The following TCF7L2 variants were observed in gnomAD, a reference collection of about 807,000 sequenced individuals.
TCF7L2 encodes transcription factor 7 like 2.
A neutral mutation model predicts 77.9 loss-of-function variants in TCF7L2; 23 were observed. The ratio of observed to expected loss-of-function variants is 0.30; its 90% CI spans 0.21 to 0.42. The LOEUF (loss-of-function observed/expected upper bound fraction) is 0.42, where lower values mean the gene tolerates loss of function less well. Among genes scored for constraint, TCF7L2 ranks in the 10% least tolerant of loss-of-function variants. The probability of loss-of-function intolerance (pLI) is 1.00; values close to 1 mark genes in which losing one functional copy is unlikely to be tolerated. For synonymous variants in TCF7L2, 413 were observed against 340.2 expected (o/e 1.21, Z -2.36); for missense variants, 654 against 793.1 (o/e 0.82, Z 2.11).
intron 13 of TCF7L2, among the ~76,000 whole-genome samples, chr10:113,162,116 A>G (rs1407647277): frequency 1.3e-5 from 2 of 152,188 alleles, no homozygotes; most frequent in Admixed American, 1.3e-4. Flanking sequence ...GAATTTGTCA[A>G]AATTTTACTT....
chr10:113,086,277 T>C (rs1357841663), intron 5 of TCF7L2, among the ~76,000 whole-genome samples: 3 of 152,186 alleles, frequency 2.0e-5, no homozygotes, highest in Non-Finnish European at 2.9e-5. Context: ...TCAAACCCAA[T>C]TCAAACTGGC....
rs935480390 is a variant in TCF7L2, at chr10:112,969,796, G to A, written c.450+5172G>A. 2.0e-5 allele frequency among the ~76,000 whole-genome samples: 3 copies of A among 152,222 alleles called. No homozygotes were observed. The South Asian group carries it at 6.2e-4, about 32-fold the overall frequency. ...AGGAGGACTAGCAGGCTGAATTCCA[G>A]AGGTGGACCCACATTGCAGATGTGT... On this transcript the variant is annotated intron_variant, in intron 4 of 13. Coordinates refer to ENST00000627217, the MANE Select transcript of TCF7L2 (RefSeq NM_001146274.2).
chr10:113,082,679 T>C (rs1317441940), intron 5 of TCF7L2, among the ~76,000 whole-genome samples: 5 of 152,092 alleles, frequency 3.3e-5, no homozygotes, highest in Admixed American at 3.3e-4. Context: ...TTTTAATAAA[T>C]TTACCCTCTT....
chr10:112,972,796 A>C (rs748071215), intron 4 of TCF7L2, among the ~76,000 whole-genome samples: 2 of 152,174 alleles, frequency 1.3e-5, no homozygotes, highest in Non-Finnish European at 2.9e-5. Flanking sequence ...TTGATTCTTC[A>C]TAACAACACA....
At chr10:113,146,735 A>G (rs915646925) in intron 8 of TCF7L2, among the ~76,000 whole-genome samples, 2 of 152,124 alleles carry the variant, frequency 1.3e-5, no homozygotes, top group African/African-American at 2.4e-5. Context: ...ACAACTATTA[A>G]TAAGATGTTA....
Position 113,152,366 on chromosome 10 carries a change from T to C in TCF7L2, c.1195T>C (p.Tyr399His). The change falls in exon 11 of 14, where the codon TAC becomes CAC. Residue 399 changes from tyrosine to histidine, a missense_variant. Coordinates refer to ENST00000627217, the MANE Select transcript of TCF7L2 (RefSeq NM_001146274.2). The stretch of plus-strand genomic sequence containing the variant: ...ACTGTCCAGAGAAGAGCAAGCGAAA[T>C]ACTACGAGCTGGCCCGGAAGGAGCG... 6.2e-7 allele frequency: 1 copy of C among 1,614,168 alleles called. No homozygotes were observed. Among genetic ancestry groups the C allele is most frequent in the Non-Finnish European group, 8.5e-7 (1 of 1,180,028 alleles).
At chr10:113,069,450 G>A (rs1265239060) in intron 5 of TCF7L2, among the ~76,000 whole-genome samples, 2 of 151,988 alleles carry the variant, frequency 1.3e-5, no homozygotes, top group Non-Finnish European at 2.9e-5. Context: ...GGCTGGTCTC[G>A]AACTCCTGAC....
In TCF7L2 at chr10:112,950,773, G is replaced by T; in HGVS notation, c.17G>T (p.Gly6Val). ...GAAAAAAAAATGCCGCAGCTGAACG[G>T]CGGTGGAGGGGATGACCTAGGCGCC... Residue 6 changes from glycine (G) to valine (V), a missense_variant, in exon 1 of 14, where the codon GGC (glycine) becomes GTC (valine). Coordinates refer to ENST00000627217, the MANE Select transcript of TCF7L2 (RefSeq NM_001146274.2). 6.3e-7 allele frequency: 1 copy of T among 1,577,076 alleles called. No individual in the cohort carries two copies. Among genetic ancestry groups the T allele is most frequent in the African/African-American group, 1.3e-5 (1 of 74,550 alleles).
At chr10:112,971,649 G>T (rs541554621) in intron 4 of TCF7L2, among the ~76,000 whole-genome samples, 21 of 148,912 alleles carry the variant, frequency 1.4e-4, no homozygotes, top group African/African-American at 5.0e-4. Context: ...ATCTTGCTCT[G>T]TCACCCAGTC....
intron 12 of TCF7L2, among the ~76,000 whole-genome samples, chr10:113,160,413 G>A (rs2072967379): frequency 6.6e-6 from 1 of 151,358 alleles, no homozygotes; most frequent in Non-Finnish European, 1.5e-5. Flanking sequence ...TTGTTGTTTT[G>A]TGTGTGTGTG....
At chr10:113,129,918 A>C (rs1370160510) in intron 5 of TCF7L2, 1 of 1,294,552 alleles carries the variant, frequency 7.7e-7, no homozygotes, top group Non-Finnish European at 1.0e-6. Context: ...GTGGTAAGGG[A>C]GGCGCAGTGG....
chr10:112,956,785 T>C (rs1314180902), intron 3 of TCF7L2, among the ~76,000 whole-genome samples: 2 of 152,150 alleles, frequency 1.3e-5, no homozygotes, highest in Non-Finnish European at 2.9e-5. Flanking sequence ...ATAACACTTA[T>C]GAATGTTAAG....
chr10:113,161,283 G>T, intron 13 of TCF7L2: 1 of 452,074 alleles, frequency 2.2e-6, no homozygotes. Context: ...CCAGCTAAAG[G>T]GCTGCAAGCA....
intron 5 of TCF7L2, among the ~76,000 whole-genome samples, chr10:113,096,018 G>T (rs546938972): frequency 6.6e-5 from 10 of 152,240 alleles, no homozygotes; most frequent in African/African-American, 1.2e-4. Context: ...GATTGTTTTG[G>T]CTCCTCCCCT....
chr10:113,144,174 C>A, intron 7 of TCF7L2, 149 bp downstream of exon 7: 1 of 734,726 alleles, frequency 1.4e-6, no homozygotes, highest in Non-Finnish European at 2.1e-6. Flanking sequence ...GGGGAGGGGG[C>A]TGCGGGAGGG....
At chr10:113,129,536 A>AATC in intron 5 of TCF7L2, 1 of 1,014,102 alleles carries the variant, frequency 9.9e-7, no homozygotes. Flanking sequence ...TGAACTCTAG[A>AATC]TTATTAGTGG....
In TCF7L2 at chr10:112,950,901, G is replaced by C. The variant is rs557826746; in HGVS notation, c.145G>C (p.Val49Leu). 6.2e-7 allele frequency: 1 copy of C among 1,612,654 alleles called. No individual in the cohort carries two copies. Among genetic ancestry groups the C allele is most frequent in the African/African-American group, 1.3e-5 (1 of 74,956 alleles). The change falls in exon 1 of 14, where the codon GTC (valine) becomes CTC (leucine). Residue 49 changes from valine (V) to leucine (L), a missense_variant. Physicochemically the swap from Val to Leu is conservative, Grantham distance 32 (BLOSUM62 1). This residue lies in a region of TCF7L2 where 3 missense variants were observed against 19.2 expected (regional missense o/e 0.16). Transcript: ENST00000627217. ...TTTAGCTGATGTCAAATCGTCTCTA[G>C]TCAATGAATCAGAAACGAATCAAAA...
intron 5 of TCF7L2, chr10:113,126,782 G>A: frequency 1.0e-6 from 1 of 985,558 alleles, no homozygotes; most frequent in Non-Finnish European, 1.2e-6. Flanking sequence ...GCCCTCCAGT[G>A]GAGCCCGCGG....
intron 5 of TCF7L2, among the ~76,000 whole-genome samples, chr10:113,062,592 G>A (rs2056640352): frequency 6.6e-6 from 1 of 151,974 alleles, no homozygotes; most frequent in African/African-American, 2.4e-5. Flanking sequence ...CCACCTTTTG[G>A]GGATAGGGTG....
Sources: allele counts gnomAD v4.1 joint callset (sites outside exome capture counted in the v4.1 genomes callset), GRCh38; gene constraint gnomAD v4.1.1; regional missense constraint gnomAD v4.1.1; transcripts MANE v1.5; gene names NCBI Gene and HGNC (gene_info 2026-07-23, HGNC 2026-07-21).